HSPBP1: variants seen among roughly 807,000 people sequenced by gnomAD.
HSPBP1 encodes the protein hsp70-binding protein 1.
Under a neutral mutation model 41.7 loss-of-function variants are expected in HSPBP1, and 31 were observed. That is an observed-to-expected ratio of 0.74 (90% CI 0.56 to 1.00). The LOEUF (loss-of-function observed/expected upper bound fraction) is 1.00. HSPBP1 is among the 50% of genes least tolerant of loss of function. The probability of loss-of-function intolerance (pLI) is 0.00; values close to 1 mark genes in which losing one functional copy is unlikely to be tolerated. For synonymous variants in HSPBP1, 199 were observed against 214.4 expected (o/e 0.93, Z 0.63); for missense variants, 439 against 487.9 (o/e 0.90, Z 0.94).
Position 55,277,624 on chromosome 19 carries a change from G to GC in HSPBP1, c.415+17dup. ...ATGTACAGAGGGGCAGAACGTCCTG[G>GC]CGGGGGAAGCGGGGTACCTGCGGCA... On this transcript the variant is annotated intron_variant, in intron 3 of 7. Coordinates refer to ENST00000433386, the MANE Select transcript of HSPBP1 (RefSeq NM_012267.5). 1 of 1,597,022 alleles carries GC rather than the reference G, an allele frequency of 6.3e-7. No individual in the cohort carries two copies. Among genetic ancestry groups the GC allele is most frequent in the Non-Finnish European group, 8.5e-7 (1 of 1,173,062 alleles).
intron 2 of HSPBP1, among the ~76,000 whole-genome samples, chr19:55,278,691 A>G (rs946463921): frequency 6.6e-6 from 1 of 152,024 alleles, no homozygotes; most frequent in Non-Finnish European, 1.5e-5. Context: ...AGGCAGGTGG[A>G]TCACTTGACG....
chr19:55,277,671 T>G lies in HSPBP1; in HGVS notation c.386A>C (p.Asp129Ala). 6.2e-7 allele frequency: 1 copy of G among 1,605,962 alleles called. No individual in the cohort carries two copies. The highest frequency in any genetic ancestry group is 8.5e-7 in the Non-Finnish European group (1 of 1,177,284). ...EREGALELLADLCENMDNAAD... is the reference protein window; with the variant it reads ...EREGALELLAALCENMDNAAD... Reference sequence around the variant, plus strand: ...GGCATTGTCCATGTTCTCACACAGGTCGGCCAGCAGCTCCAGGGCCCCCTC... The same window carrying G: ...GGCATTGTCCATGTTCTCACACAGGGCGGCCAGCAGCTCCAGGGCCCCCTC... The change falls in exon 3 of 8, where the codon GAC becomes GCC. Residue 129 changes from aspartate (D) to alanine (A), a missense_variant. Coordinates refer to ENST00000433386, the MANE Select transcript of HSPBP1 (RefSeq NM_012267.5).
At chr19:55,275,949 GAAAAA>G (rs775780681) in intron 3 of HSPBP1, among the ~76,000 whole-genome samples, 5 of 110,490 alleles carry the variant, frequency 4.5e-5, no homozygotes, top group Non-Finnish European at 9.5e-5. Context: ...CTCTGTCTCA[GAAAAA>G]AAAAAAAAAA....
chr19:55,279,765 C>A, intron 1 of HSPBP1, 63 bp from the exon 2 acceptor site: 6 of 1,514,800 alleles, frequency 4.0e-6, no homozygotes, highest in Non-Finnish European at 5.3e-6. Context: ...ACCACTCTGC[C>A]CCCAGCCCAC....
rs1360441060 is a variant in HSPBP1 at position 55,272,019 on chromosome 19, G to A, written c.640+2379C>T. Among the ~76,000 whole-genome samples the A allele has an allele frequency of 4.6e-5, 7 of 151,600 alleles. No individual in the cohort carries two copies. The highest frequency in any genetic ancestry group is 1.9e-4 in the East Asian group (1 of 5,136). ...GGAGGTTGCAGTGAGCCGAGATTGC[G>A]CCACTGCACTCCAGCCTGGGCCACA... On this transcript the variant is annotated intron_variant, in intron 4 of 7. Transcript: ENST00000433386. The surrounding 1 kb of genome is among the most constrained non-coding windows in gnomAD (Gnocchi z 4.2).
chr19:55,272,282 G>T lies in HSPBP1; in HGVS notation c.640+2116C>A, dbSNP rs557634486. Among the ~76,000 whole-genome samples the T allele has an allele frequency of 6.6e-6, 1 of 152,114 alleles. No homozygotes were observed. The highest frequency in any genetic ancestry group is 1.5e-5 in the Non-Finnish European group (1 of 68,032). ...ACAGGCGGAGGAAGAGGCAGGGCAC[G>T]GTGGACCCACGCAACAGGACACATT... On this transcript the variant is annotated intron_variant, in intron 4 of 7. Coordinates refer to ENST00000433386, the MANE Select transcript of HSPBP1 (RefSeq NM_012267.5). The surrounding 1 kb of genome is among the most constrained non-coding windows in gnomAD (Gnocchi z 4.2).
intron 3 of HSPBP1, among the ~76,000 whole-genome samples, chr19:55,277,160 G>A (rs888522036): frequency 1.6e-4 from 25 of 152,092 alleles, no homozygotes; most frequent in African/African-American, 5.1e-4. Context: ...TGTTTCCTGC[G>A]CCTGGCCCCT....
chr19:55,274,353 C>CT (rs751548987), intron 4 of HSPBP1, 45 bp downstream of exon 4: 3 of 600,780 alleles, frequency 5.0e-6, no homozygotes, highest in Non-Finnish European at 8.5e-6. Context: ...CGGCACCCCC[C>CT]CCCACCGCCA....
chr19:55,277,127 A>G (rs4806656), intron 3 of HSPBP1, among the ~76,000 whole-genome samples: 79,713 of 151,870 alleles, frequency 0.52, 21,466 homozygotes, highest in East Asian at 0.83. Context: ...TTACCTCCCC[A>G]TCTGCGAGGC....
intron 2 of HSPBP1, 123 bp from the exon 3 acceptor site, chr19:55,277,969 G>A: frequency 4.7e-6 from 4 of 848,248 alleles, no homozygotes; most frequent in Non-Finnish European, 7.0e-6. Context: ...AATATCGGCT[G>A]GGAGCTGTGG....
chr19:55,276,104 C>CAAAAAA (rs59561808), intron 3 of HSPBP1, among the ~76,000 whole-genome samples: 2 of 66,002 alleles, frequency 3.0e-5, no homozygotes, highest in Admixed American at 1.9e-4. Context: ...GAGACTGACT[C>CAAAAAA]AAAAAAAAAA....
chr19:55,279,292 C>G (rs942335773), intron 2 of HSPBP1, 107 bp downstream of exon 2: 7 of 956,196 alleles, frequency 7.3e-6, no homozygotes, highest in Non-Finnish European at 1.1e-5. Context: ...CTGCCTCCCA[C>G]CCAAGAAGAC....
intron 4 of HSPBP1, among the ~76,000 whole-genome samples, chr19:55,271,459 C>T (rs1292164219): frequency 2.0e-5 from 3 of 152,210 alleles, no homozygotes; most frequent in Non-Finnish European, 4.4e-5. Context: ...ACACCATGTC[C>T]TTCTCTCTGC....
intron 4 of HSPBP1, among the ~76,000 whole-genome samples, chr19:55,273,357 T>G (rs2087975191): frequency 1.3e-5 from 2 of 152,102 alleles, no homozygotes; most frequent in Non-Finnish European, 2.9e-5. Context: ...TCAATAAAGC[T>G]GTTAGAGAAA....
At chr19:55,279,727 G>A (rs2122898316) in intron 1 of HSPBP1, 25 bp from the exon 2 acceptor site, 1 of 1,534,988 alleles carries the variant, frequency 6.5e-7, no homozygotes. Context: ...GCGTTTCAGG[G>A]GAGCTCGGCG....
chr19:55,271,303 C>A (rs931913661), intron 4 of HSPBP1, among the ~76,000 whole-genome samples: 1 of 152,046 alleles, frequency 6.6e-6, no homozygotes, highest in Admixed American at 6.5e-5. Flanking sequence ...CTCTGCCTCC[C>A]AGGCTCAGAT....
rs2087744471 is a variant in HSPBP1 at position 55,265,263 on chromosome 19, C to T, written c.1005+15G>A. ...GCACCTGGTCCTCCTTGCACCCCGT[C>T]CCCTCCCCATGTACCTGGTACTCCT... On this transcript the variant is annotated intron_variant, in intron 7 of 7. Coordinates refer to ENST00000433386, the MANE Select transcript of HSPBP1 (RefSeq NM_012267.5). The T allele has an allele frequency of 1.3e-6, 2 of 1,511,448 alleles. No individual in the cohort carries two copies. Among genetic ancestry groups the T allele is most frequent in the Non-Finnish European group, 1.8e-6 (2 of 1,111,008 alleles). 93.6% of individuals were successfully genotyped at this position (1,511,448 alleles called of 1,614,324 possible). A position where few individuals can be genotyped will look rare whatever the true frequency, so the allele number is the denominator to read the frequency against.
At chr19:55,277,380 T>C (rs2088100714) in intron 3 of HSPBP1, among the ~76,000 whole-genome samples, 1 of 152,238 alleles carries the variant, frequency 6.6e-6, no homozygotes, top group East Asian at 1.9e-4. Flanking sequence ...ACTTTCCCTC[T>C]TGTACTCTGG....
At chr19:55,264,502 T>C (rs1489960972) in intron 7 of HSPBP1, among the ~76,000 whole-genome samples, 1 of 152,222 alleles carries the variant, frequency 6.6e-6, no homozygotes, top group Non-Finnish European at 1.5e-5. Flanking sequence ...ATGAGTTATT[T>C]ATTTGCCCCT....
Sources: gnomAD v4.1 joint callset for allele counts (sites outside exome capture counted in the v4.1 genomes callset) on GRCh38, gnomAD v4.1.1 for gene constraint, Gnocchi (gnomAD v3.1) non-coding constraint, MANE v1.5 for transcripts, NCBI Gene and HGNC (gene_info 2026-07-23, HGNC 2026-07-21) for gene names.